Variants in ACAD9 observed in about 807,000 individuals in gnomAD.
ACAD9 encodes complex I assembly factor ACAD9, mitochondrial.
A neutral mutation model predicts 70.2 loss-of-function variants in ACAD9; 53 were observed. That is an observed-to-expected ratio of 0.75 (90% CI 0.61 to 0.95). The LOEUF (loss-of-function observed/expected upper bound fraction) is 0.95. ACAD9 is among the 40% of genes least tolerant of loss of function. ACAD9 has a pLI of 0.00. For synonymous variants in ACAD9, 313 were observed against 312.1 expected, an observed-to-expected ratio of 1.00 and a Z score of -0.03; for missense variants, 777 against 802.8, an observed-to-expected ratio of 0.97 and a Z score of 0.39.
intron 17 of ACAD9, 103 bp from the exon 18 acceptor site, chr3:128,912,404 A>C (rs936749635): frequency 3.0e-6 from 3 of 995,982 alleles, no homozygotes; most frequent in Admixed American, 3.9e-5. Context: ...GGGCTGCTTC[A>C]TGGTGGGTGG....
At chr3:128,900,977 A>G (rs1435309312) in intron 7 of ACAD9, among the ~76,000 whole-genome samples, 2 of 152,204 alleles carry the variant, frequency 1.3e-5, no homozygotes, top group African/African-American at 2.4e-5. Flanking sequence ...AAAGTCTGAC[A>G]TAGTCCTTAA....
At chr3:128,909,147 A>G (rs758381092) in intron 14 of ACAD9, 48 bp downstream of exon 14, 1 of 1,612,258 alleles carries the variant, frequency 6.2e-7, no homozygotes, top group African/African-American at 1.3e-5. Flanking sequence ...CCCTCCTGCC[A>G]GATCTCCTTG....
chr3:128,887,656 T>A (rs530705354), intron 2 of ACAD9, among the ~76,000 whole-genome samples: 3,413 of 138,618 alleles, frequency 0.025, 152 homozygotes, highest in African/African-American at 0.087. Flanking sequence ...TATATATATA[T>A]ATATATATAT....
chr3:128,883,046 G>A (rs1935137504), intron 1 of ACAD9, among the ~76,000 whole-genome samples: 1 of 151,912 alleles, frequency 6.6e-6, no homozygotes, highest in Admixed American at 6.6e-5. Flanking sequence ...GATATAAAAG[G>A]CTGCAGAGTG....
Position 128,895,842 on chromosome 3 carries a change from C to T in ACAD9, c.453+426C>T, listed in dbSNP as rs555237427. 6.6e-5 allele frequency among the ~76,000 whole-genome samples: 10 copies of T among 152,366 alleles called. 1 individual carries two copies. The South Asian group carries it at 2.1e-3, about 32-fold the overall frequency. On this transcript the variant is annotated intron_variant, in intron 4 of 17. Coordinates refer to ENST00000308982, the MANE Select transcript of ACAD9 (RefSeq NM_014049.5). ...AGGGTCAACCGCCCTTACTGGCAAT[C>T]TCATTACTCAGATTATTTCTGCTTA...
At chr3:128,901,202 G>C in intron 7 of ACAD9, 74 bp from the exon 8 acceptor site, 1 of 1,342,878 alleles carries the variant, frequency 7.4e-7, no homozygotes, top group Non-Finnish European at 1.1e-6. Context: ...ATGGATGGAT[G>C]AATTGCCTGC....
rs754116260 is a variant in ACAD9 at position 128,902,667 on chromosome 3, C to A, written c.958+39C>A. 4.4e-6 allele frequency: 7 copies of A among 1,607,286 alleles called. No individual in the cohort carries two copies. Among genetic ancestry groups the A allele is most frequent in the South Asian group, 2.2e-5 (2 of 90,628 alleles). Reference sequence around the variant, plus strand: ...GGACAAGGCCCTTTGTGCCCCACCCCCTGCTGCCCCGGCTCCAACCCTGGA... The same window carrying A: ...GGACAAGGCCCTTTGTGCCCCACCCACTGCTGCCCCGGCTCCAACCCTGGA... On this transcript the variant is annotated intron_variant, in intron 9 of 17. Coordinates refer to ENST00000308982, the MANE Select transcript of ACAD9 (RefSeq NM_014049.5). This position sits in a 1 kb window ranked among gnomAD's most constrained non-coding sequence, Gnocchi z 4.0.
At chr3:128,906,497 G>A (rs533635960) in intron 12 of ACAD9, among the ~76,000 whole-genome samples, 51 of 152,284 alleles carry the variant, frequency 3.3e-4, no homozygotes, top group Admixed American at 2.7e-3. Context: ...AGATGACTTC[G>A]GATGCTGTGT....
In ACAD9 at chr3:128,902,520, A is replaced by G. The variant is rs7617561; in HGVS notation, c.883-33A>G. The G allele has an allele frequency of 0.02, 32,032 of 1,613,306 alleles. 941 individuals are homozygous for G. The highest frequency in any genetic ancestry group is 0.1 in the South Asian group (9,284 of 91,070). ...GCGGCCTCCTCCCTCTGCCTCCTTC[A>G]GGGCCCCTGGGCTCTCCCTGTTCTC... On this transcript the variant is annotated intron_variant, in intron 8 of 17. Transcript: ENST00000308982. The surrounding 1 kb of genome is among the most constrained non-coding windows in gnomAD (Gnocchi z 4.0).
intron 3 of ACAD9, among the ~76,000 whole-genome samples, chr3:128,894,957 A>G (rs1196482672): frequency 2.7e-5 from 4 of 147,910 alleles, no homozygotes; most frequent in Non-Finnish European, 5.9e-5. Flanking sequence ...GCTCACTGCA[A>G]TCCCTGCCTC....
At chr3:128,895,267 A>C in intron 3 of ACAD9, 43 bp from the exon 4 acceptor site, 1 of 1,492,696 alleles carries the variant, frequency 6.7e-7, no homozygotes, top group Non-Finnish European at 9.3e-7. Flanking sequence ...AATGGGAGGA[A>C]TCTAGGGCTG....
chr3:128,910,593 G>GAATT, intron 16 of ACAD9, 148 bp from the exon 17 acceptor site: 1 of 904,112 alleles, frequency 1.1e-6, no homozygotes, highest in South Asian at 1.3e-5. Context: ...ATCAGGGCTG[G>GAATT]AATTAGAACC....
intron 6 of ACAD9, chr3:128,898,411 T>G (rs1935630493): frequency 2.2e-6 from 1 of 454,026 alleles, no homozygotes. Flanking sequence ...ATTGATAATT[T>G]CTCTTTTCTT....
At position 128,902,600 on chromosome 3, in the gene ACAD9, C is replaced by T. The variant is rs776476230; in HGVS notation, c.930C>T (p.Val310=). ...LNSGRFSMGS[V]VAGLLKRLIE... is the part of the protein sequence containing the mutation. ...GCGGCCGGTTCAGCATGGGCAGCGT[C>T]GTGGCTGGGCTGCTCAAGAGATTGA... is the stretch of plus-strand genomic sequence containing the variant. Residue 310 remains valine, a synonymous_variant, in exon 9 of 18, where the codon GTC becomes GTT. Transcript: ENST00000308982. This position sits in a 1 kb window ranked among gnomAD's most constrained non-coding sequence, Gnocchi z 4.0. 2.0e-5 allele frequency: 32 copies of T among 1,614,046 alleles called. No individual in the cohort carries two copies. The African/African-American group carries it at 2.3e-4, about 11-fold the overall frequency.
Position 128,879,637 on chromosome 3 carries a change from C to A in ACAD9, c.-55C>A. ...GTAACGTCATCAGACGTGTGTGTGT[C>A]CCTGCGGCGCTAAGAAGGGGAGACT... On this transcript the variant is annotated 5_prime_UTR_variant, in exon 1 of 18. Transcript: ENST00000308982. The A allele has an allele frequency of 2.5e-6, 4 of 1,602,006 alleles. No homozygotes were observed. In the South Asian group the frequency reaches 4.4e-5, roughly 18 times the overall value.
Position 128,902,507 on chromosome 3 carries a change from C to T in ACAD9, c.883-46C>T, listed in dbSNP as rs1935770038. 1 of 1,608,366 alleles carries T rather than the reference C, an allele frequency of 6.2e-7. No individual in the cohort carries two copies. The highest frequency in any genetic ancestry group is 8.5e-7 in the Non-Finnish European group (1 of 1,174,800). ...GCCTGGTTTCGTTGCGGCCTCCTCC[C>T]TCTGCCTCCTTCAGGGCCCCTGGGC... On this transcript the variant is annotated intron_variant, in intron 8 of 17. Transcript: ENST00000308982. The surrounding 1 kb of genome is among the most constrained non-coding windows in gnomAD (Gnocchi z 4.0).
chr3:128,906,283 C>T, intron 12 of ACAD9, 34 bp downstream of exon 12: 1 of 1,612,748 alleles, frequency 6.2e-7, no homozygotes, highest in Non-Finnish European at 8.5e-7. Context: ...AGCTGTGCTC[C>T]ACCCCCACCC....
Position 128,879,741 on chromosome 3 carries a change from G to C in ACAD9, c.50G>C (p.Cys17Ser). 1.9e-6 allele frequency: 3 copies of C among 1,612,880 alleles called. No homozygotes were observed. Among genetic ancestry groups the C allele is most frequent in the Non-Finnish European group, 2.5e-6 (3 of 1,179,966 alleles). The change falls in exon 1 of 18, where the codon TGC becomes TCC. Residue 17 changes from cysteine to serine, a missense_variant. Cys to Ser is a moderately radical substitution (Grantham distance 112). Coordinates refer to ENST00000308982, the MANE Select transcript of ACAD9 (RefSeq NM_014049.5). ...FLRTTAAARA[C>S]RGLVVSTANR... ...CGCACCACGGCTGCGGCTCGTGCCT[G>C]CCGGGGTCTGGTGGTCTCTACCGCG...
intron 17 of ACAD9, among the ~76,000 whole-genome samples, chr3:128,912,297 G>A (rs1936418690): frequency 6.6e-6 from 1 of 152,184 alleles, no homozygotes; most frequent in African/African-American, 2.4e-5. Flanking sequence ...GAGATGAGCA[G>A]GATGAGTCCT....
Sources: allele counts gnomAD v4.1 joint callset (sites outside exome capture counted in the v4.1 genomes callset), GRCh38; gene constraint gnomAD v4.1.1; non-coding constraint Gnocchi (gnomAD v3.1); transcripts MANE v1.5; gene names NCBI Gene and HGNC (gene_info 2026-07-23, HGNC 2026-07-21).